The following ANKS1B variants were observed in gnomAD, a reference collection of about 807,000 sequenced individuals.
The protein encoded by ANKS1B is ankyrin repeat and sterile alpha motif domain containing 1B, also known as ankyrin repeat and sterile alpha motif domain-containing protein 1B.
Under a neutral mutation model 148.3 loss-of-function variants are expected in ANKS1B, and 36 were observed. That is an observed-to-expected ratio of 0.24 (90% CI 0.19 to 0.32). The LOEUF is 0.32. Among genes scored for constraint, ANKS1B ranks in the 10% least tolerant of loss-of-function variants. ANKS1B has a pLI of 1.00. For missense variants in ANKS1B, 1,157 were observed against 1,542.6 expected, an observed-to-expected ratio of 0.75 and a Z score of 4.19; for synonymous variants, 542 against 560.8, an observed-to-expected ratio of 0.97 and a Z score of 0.47.
chr12:99,071,535 G>A (rs1475587871), intron 16 of ANKS1B, among the ~76,000 whole-genome samples: 1 of 152,110 alleles, frequency 6.6e-6, no homozygotes, highest in East Asian at 1.9e-4. Context: ...CAGCTTCTCA[G>A]TTCACTTCCA....
Position 98,950,762 on chromosome 12 carries a change from CT to C in ANKS1B, c.2778+102394del, listed in dbSNP as rs2099852910. On this transcript the variant is annotated intron_variant, in intron 17 of 26. Coordinates refer to ENST00000683438, the MANE Select transcript of ANKS1B (RefSeq NM_001352186.2). ...TTGTGAGTTTCTGTGTGCTACCTTT[CT>C]TTTTTGGTTTTTGTTTTTAATAAAC... Among the ~76,000 whole-genome samples, 3 of 152,130 alleles carry C rather than the reference CT, an allele frequency of 2.0e-5. No individual in the cohort carries two copies. The South Asian group carries it at 6.2e-4, about 32-fold the overall frequency.
At chr12:99,798,536 T>C (rs1175425245) in intron 4 of ANKS1B, among the ~76,000 whole-genome samples, 1 of 151,676 alleles carries the variant, frequency 6.6e-6, no homozygotes, top group African/African-American at 2.4e-5. Flanking sequence ...ATCTAGACCA[T>C]ATCTAGAGGA....
At chr12:99,410,417 C>T (rs1417559769) in intron 11 of ANKS1B, among the ~76,000 whole-genome samples, 1 of 152,118 alleles carries the variant, frequency 6.6e-6, no homozygotes, top group African/African-American at 2.4e-5. Context: ...CGCCTGTAAT[C>T]CCAGCACTTT....
intron 9 of ANKS1B, among the ~76,000 whole-genome samples, chr12:99,518,397 T>G (rs2096843458): frequency 6.6e-6 from 1 of 152,170 alleles, no homozygotes; most frequent in Non-Finnish European, 1.5e-5. Context: ...TTACTTGTTA[T>G]TAGTCTGTTC....
rs1189986495 is a variant in ANKS1B, at chr12:99,408,735, G to A, written c.1576-8924C>T. On this transcript the variant is annotated intron_variant, in intron 11 of 26. Coordinates refer to ENST00000683438, the MANE Select transcript of ANKS1B (RefSeq NM_001352186.2). The stretch of plus-strand genomic sequence containing the variant: ...AAAGAAGACATACAAATGGCGAACC[G>A]ATATGAGAAAAGGTGTTCAATATTA... 7.5e-5 allele frequency among the ~76,000 whole-genome samples: 11 copies of A among 145,974 alleles called. 3 individuals are homozygous for A. The highest frequency in any genetic ancestry group is 1.6e-4 in the African/African-American group (6 of 38,530).
At chr12:99,836,004 T>C (rs1172245366) in intron 1 of ANKS1B, among the ~76,000 whole-genome samples, 1 of 152,214 alleles carries the variant, frequency 6.6e-6, no homozygotes, top group African/African-American at 2.4e-5. Context: ...TACTATCCCA[T>C]ATGAGTTTAT....
intron 1 of ANKS1B, among the ~76,000 whole-genome samples, chr12:99,966,090 G>T (rs1351387855): frequency 6.6e-6 from 1 of 152,174 alleles, no homozygotes; most frequent in Non-Finnish European, 1.5e-5. Flanking sequence ...GAAGACTAAG[G>T]AGGTATGACA....
chr12:99,422,936 C>T (rs1159633105), intron 11 of ANKS1B, among the ~76,000 whole-genome samples: 5 of 152,068 alleles, frequency 3.3e-5, no homozygotes, highest in Admixed American at 2.0e-4. Flanking sequence ...AGAGGAATGC[C>T]TTCAGTTTAA....
chr12:98,773,215 C>G, intron 24 of ANKS1B, 36 bp from the exon 25 acceptor site: 1 of 1,570,996 alleles, frequency 6.4e-7, no homozygotes, highest in Non-Finnish European at 8.6e-7. Flanking sequence ...TTGTTTTCCT[C>G]TGCGAACCAG....
chr12:99,803,476 T>G (rs1602485492), intron 4 of ANKS1B, among the ~76,000 whole-genome samples: 1 of 152,168 alleles, frequency 6.6e-6, no homozygotes, highest in African/African-American at 2.4e-5. Context: ...GAAGAGGTTA[T>G]AGCAACACAG....
chr12:99,375,354 G>A (rs189714335), intron 12 of ANKS1B, among the ~76,000 whole-genome samples: 1 of 152,272 alleles, frequency 6.6e-6, no homozygotes, highest in South Asian at 2.1e-4. Context: ...ATTGCTATAA[G>A]GGCATTGGTT....
intron 12 of ANKS1B, among the ~76,000 whole-genome samples, chr12:99,248,903 C>G (rs2074220146): frequency 6.6e-6 from 1 of 152,190 alleles, no homozygotes; most frequent in Admixed American, 6.5e-5. Context: ...TTCTCCTGTT[C>G]ATGACTGTAT....
intron 16 of ANKS1B, among the ~76,000 whole-genome samples, chr12:99,053,649 C>T (rs529116502): frequency 7.8e-4 from 118 of 152,250 alleles, no homozygotes; most frequent in African/African-American, 2.7e-3. Flanking sequence ...GCATTAAATT[C>T]GATGCGAAAG....
At chr12:98,770,617 T>C (rs1279163845) in intron 25 of ANKS1B, among the ~76,000 whole-genome samples, 2 of 135,854 alleles carry the variant, frequency 1.5e-5, no homozygotes, top group Admixed American at 7.1e-5. Context: ...GAAGGGTTTG[T>C]TTTTTTTTTT....
intron 11 of ANKS1B, among the ~76,000 whole-genome samples, chr12:99,423,722 C>A (rs1041122078): frequency 2.0e-5 from 3 of 152,070 alleles, no homozygotes; most frequent in African/African-American, 7.2e-5. Flanking sequence ...TTATCCTTAG[C>A]AAACTAATGC....
intron 17 of ANKS1B, among the ~76,000 whole-genome samples, chr12:98,844,866 A>G (rs2099439708): frequency 6.6e-6 from 1 of 152,190 alleles, no homozygotes; most frequent in Non-Finnish European, 1.5e-5. Flanking sequence ...TGTGAAAAAT[A>G]TTTAATATAA....
chr12:99,091,082 G>A (rs1336731323), intron 15 of ANKS1B, among the ~76,000 whole-genome samples: 1 of 152,072 alleles, frequency 6.6e-6, no homozygotes, highest in Non-Finnish European at 1.5e-5. Flanking sequence ...TATGAAGAAA[G>A]CTTTCTGGAT....
intron 1 of ANKS1B, among the ~76,000 whole-genome samples, chr12:99,883,868 A>T (rs139927073): frequency 6.6e-6 from 1 of 152,172 alleles, no homozygotes; most frequent in Non-Finnish European, 1.5e-5. Context: ...GTGAGCTGAC[A>T]TCGTGCCACT....
At chr12:99,582,822 T>C (rs2097583808) in intron 9 of ANKS1B, among the ~76,000 whole-genome samples, 1 of 152,120 alleles carries the variant, frequency 6.6e-6, no homozygotes, top group African/African-American at 2.4e-5. Flanking sequence ...TTTCATTGTA[T>C]GTAAATGACA....
Sources: gnomAD v4.1 joint callset for allele counts (sites outside exome capture counted in the v4.1 genomes callset) on GRCh38, gnomAD v4.1.1 for gene constraint, MANE v1.5 for transcripts, NCBI Gene and HGNC (gene_info 2026-07-23, HGNC 2026-07-21) for gene names.